The following XRN2 variants were observed in gnomAD, a reference collection of about 807,000 sequenced individuals.
The protein encoded by XRN2 is 5'-3' exoribonuclease 2.
XRN2 carries 44 observed loss-of-function variants against 138.5 expected under a neutral mutation model. The ratio of observed to expected loss-of-function variants is 0.32; its 90% CI spans 0.25 to 0.41. The LOEUF is 0.41. Ranked by LOEUF, XRN2 falls within the 10% of genes least tolerant of loss-of-function variation. The pLI is 1.00. For missense variants in XRN2, 937 were observed against 1,169.3 expected, an observed-to-expected ratio of 0.80 and a Z score of 2.90; for synonymous variants, 354 against 369.4, an observed-to-expected ratio of 0.96 and a Z score of 0.48.
chr20:21,307,456 C>G lies in XRN2; in HGVS notation c.75+3983C>G, dbSNP rs2037822696. Among the ~76,000 whole-genome samples the G allele has an allele frequency of 5.2e-5, 4 of 76,200 alleles. 2 individuals are homozygous for G. The Admixed American group carries it at 6.4e-4, about 12-fold the overall frequency. The allele number at this position is 76,200 out of a possible 152,430, so 50.0% of individuals were successfully genotyped here. ...CATTCTCTGGCTTTCCTTGAAACCT[C>G]CCCCAACCTTTGGTGTTTTTGCAGC... On this transcript the variant is annotated intron_variant, in intron 1 of 29. Transcript: ENST00000377191.
At position 21,334,176 on chromosome 20, in the gene XRN2, G is replaced by C. The variant is rs1409072315; in HGVS notation, c.1224G>C (p.Lys408Asn). The change falls in exon 13 of 30, where the codon AAG becomes AAC. Residue 408 changes from lysine to asparagine, a missense_variant. By Grantham distance (94) the Lys-to-Asn change is moderately conservative (BLOSUM62 0). Coordinates refer to ENST00000377191, the MANE Select transcript of XRN2 (RefSeq NM_012255.5). ...AGGATAGCATTTTTAAAAAGAGAAA[G>C]GATGATGAGGTAAAGTGTTTCTATT... ...EVEDSIFKKR[K>N]DDEDSFRRRQ... The C allele has an allele frequency of 6.2e-7, 1 of 1,613,050 alleles. No homozygotes were observed. The highest frequency in any genetic ancestry group is 2.2e-5 in the East Asian group (1 of 44,820).
intron 27 of XRN2, among the ~76,000 whole-genome samples, chr20:21,370,856 G>A (rs1489121870): frequency 6.6e-6 from 1 of 152,122 alleles, no homozygotes; most frequent in Non-Finnish European, 1.5e-5. Context: ...TCAAAGAATT[G>A]TAAGTCATGT....
chr20:21,304,652 TAGG>T (rs2037790500), intron 1 of XRN2, among the ~76,000 whole-genome samples: 1 of 152,230 alleles, frequency 6.6e-6, no homozygotes, highest in African/African-American at 2.4e-5. Context: ...CTAGCTGGAA[TAGG>T]AGAGGATTTA....
intron 13 of XRN2, among the ~76,000 whole-genome samples, chr20:21,337,154 A>G (rs950028781): frequency 1.3e-5 from 2 of 152,236 alleles, no homozygotes; most frequent in East Asian, 3.9e-4. Context: ...AAGATTTGAC[A>G]CATACTGTAA....
intron 4 of XRN2, among the ~76,000 whole-genome samples, chr20:21,330,134 T>G (rs868320660): frequency 1.9e-4 from 29 of 151,978 alleles, no homozygotes; most frequent in South Asian, 1.9e-3. Flanking sequence ...AATACAAAAA[T>G]TAGCCAGGCG....
chr20:21,321,055 G>T (rs895036935), intron 1 of XRN2, among the ~76,000 whole-genome samples: 1 of 151,308 alleles, frequency 6.6e-6, no homozygotes, highest in Non-Finnish European at 1.5e-5. Flanking sequence ...TCACTCTGTT[G>T]CCCAGGCTGG....
rs140361836 is a variant in XRN2 at position 21,372,373 on chromosome 20, G to T, written c.2584+3783G>T. Among the ~76,000 whole-genome samples the T allele has an allele frequency of 2.9e-3, 437 of 152,098 alleles. 1 individual carries two copies. The highest frequency in any genetic ancestry group is 0.017 in the Middle Eastern group (5 of 294). ...GCTTTGAAGTACATGGCAAGTAGTT[G>T]GGTGGTGTTAAGCATAGCATAACTG... On this transcript the variant is annotated intron_variant, in intron 27 of 29. Transcript: ENST00000377191.
chr20:21,349,413 C>T lies in XRN2; in HGVS notation c.1888C>T (p.Pro630Ser), dbSNP rs1485900163. 6.2e-7 allele frequency: 1 copy of T among 1,607,496 alleles called. No homozygotes were observed. Among genetic ancestry groups the T allele is most frequent in the South Asian group, 1.1e-5 (1 of 90,706 alleles). The change falls in exon 20 of 30, where the codon CCT (proline) becomes TCT (serine). Residue 630 changes from proline (P) to serine (S), a missense_variant. By Grantham distance (74) the Pro-to-Ser change is moderately conservative. Around this residue, in one of 6 missense-constraint regions of XRN2, gnomAD observed 372 missense variants for 414.4 expected, o/e 0.90. Coordinates refer to ENST00000377191, the MANE Select transcript of XRN2 (RefSeq NM_012255.5). ...GGATTCTAGTATAATTGACTTCTAT[C>T]CTGAAGATTTTGCTATTGATTTGAA... Reference protein sequence around the residue: ...DPDSSIIDFYPEDFAIDLNGK... With the variant: ...DPDSSIIDFYSEDFAIDLNGK...
chr20:21,388,755 A>G (rs926235564), intron 29 of XRN2, among the ~76,000 whole-genome samples: 2 of 152,250 alleles, frequency 1.3e-5, no homozygotes, highest in African/African-American at 4.8e-5. Context: ...GTCACGGCTA[A>G]TGGATTGTGT....
intron 15 of XRN2, among the ~76,000 whole-genome samples, 165 bp from the exon 16 acceptor site, chr20:21,343,925 A>G (rs2038403509): frequency 6.6e-6 from 1 of 152,064 alleles, no homozygotes; most frequent in Non-Finnish European, 1.5e-5. Context: ...GGGAAGTGAA[A>G]TGGAGCAAGA....
chr20:21,347,648 A>G (rs545994396), intron 17 of XRN2, among the ~76,000 whole-genome samples: 4 of 152,296 alleles, frequency 2.6e-5, no homozygotes, highest in Admixed American at 2.0e-4. Flanking sequence ...ACATGTTTTT[A>G]TAGTCAAAAG....
chr20:21,303,681 G>A, intron 1 of XRN2: 2 of 1,324,520 alleles, frequency 1.5e-6, no homozygotes. Context: ...AGGACCCTCG[G>A]CGGGGCAAGG....
chr20:21,380,687 A>G (rs759603107), intron 27 of XRN2, among the ~76,000 whole-genome samples: 2 of 152,236 alleles, frequency 1.3e-5, no homozygotes, highest in African/African-American at 2.4e-5. Flanking sequence ...CTTTTAATTC[A>G]CAATGGGAAT....
Position 21,381,100 on chromosome 20 carries a change from TTTTC to T in XRN2, c.2585-890_2585-887del, listed in dbSNP as rs145345911. On this transcript the variant is annotated intron_variant, in intron 27 of 29. Coordinates refer to ENST00000377191, the MANE Select transcript of XRN2 (RefSeq NM_012255.5). ...ACCAGAGATAAGCTTTCAACTCTTC[TTTTC>T]TTTAAGTAATTTTGAAAAGCATTTT... 6.9e-3 allele frequency among the ~76,000 whole-genome samples: 1,049 copies of T among 152,352 alleles called. 76 individuals are homozygous for T. The East Asian group carries it at 0.17, about 25-fold the overall frequency.
intron 21 of XRN2, among the ~76,000 whole-genome samples, chr20:21,355,368 G>A (rs977972911): frequency 3.3e-5 from 5 of 152,004 alleles, no homozygotes; most frequent in Admixed American, 6.6e-5. Flanking sequence ...ATTCATATTC[G>A]GAAATTGCAA....
intron 20 of XRN2, among the ~76,000 whole-genome samples, chr20:21,350,638 A>G (rs2038498234): frequency 6.6e-6 from 1 of 151,538 alleles, no homozygotes; most frequent in Non-Finnish European, 1.5e-5. Context: ...CTTCCACCAT[A>G]CATTTTCCTA....
Position 21,365,667 on chromosome 20 carries a change from C to G in XRN2, c.2419C>G (p.Pro807Ala). 1 of 1,575,310 alleles carries G rather than the reference C, an allele frequency of 6.3e-7. No homozygotes were observed. The highest frequency in any genetic ancestry group is 8.6e-7 in the Non-Finnish European group (1 of 1,161,222). Residue 807 changes from proline to alanine, a missense_variant, in exon 26 of 30, where the codon CCT becomes GCT. Pro to Ala is a conservative substitution (Grantham distance 27). Around this residue, in one of 6 missense-constraint regions of XRN2, gnomAD observed 372 missense variants for 414.4 expected, o/e 0.90. Transcript: ENST00000377191. ...GCTTGGCTTTAACCGTGACCGGAGG[C>G]CTGTGCACCTGGATCAGGCAGCCTT... ...PQLGFNRDRR[P>A]VHLDQAAFRT... is the part of the protein sequence containing the mutation.
intron 23 of XRN2, 38 bp downstream of exon 23, chr20:21,356,703 G>A (rs777856460): frequency 1.9e-6 from 3 of 1,554,016 alleles, no homozygotes; most frequent in Admixed American, 1.8e-5. Flanking sequence ...GTGACTGGAA[G>A]GAAGTTTAGT....
intron 22 of XRN2, 57 bp downstream of exon 22, chr20:21,356,234 T>C: frequency 2.2e-6 from 3 of 1,357,456 alleles, no homozygotes; most frequent in Non-Finnish European, 3.1e-6. Context: ...TGGTAAAATA[T>C]GCATAACATA....
Sources: allele counts gnomAD v4.1 joint callset (sites outside exome capture counted in the v4.1 genomes callset), GRCh38; gene constraint gnomAD v4.1.1; regional missense constraint gnomAD v4.1.1; transcripts MANE v1.5; gene names NCBI Gene and HGNC (gene_info 2026-07-23, HGNC 2026-07-21).